DEGS1: variants seen among roughly 807,000 people sequenced by gnomAD.
DEGS1 encodes delta 4-desaturase, sphingolipid 1.
DEGS1 carries 17 observed loss-of-function variants against 24.1 expected under a neutral mutation model. That is an observed-to-expected ratio of 0.70 (90% CI 0.48 to 1.06). DEGS1 has a LOEUF of 1.06. Ranked by LOEUF, DEGS1 falls within the 50% of genes least tolerant of loss-of-function variation. The pLI is 0.00. For missense variants in DEGS1, 366 were observed against 408.9 expected (o/e 0.90, Z 0.91); for synonymous variants, 134 against 140.0 (o/e 0.96, Z 0.30).
Position 224,189,755 on chromosome 1 carries a change from T to C in DEGS1, c.261T>C (p.Ala87=). 1 of 1,614,214 alleles carries C rather than the reference T, an allele frequency of 6.2e-7. No homozygotes were observed. The highest frequency in any genetic ancestry group is 1.1e-5 in the South Asian group (1 of 91,088). ...GCATTAACCACTCAATGACTCTGGC[T>C]ATTCATGAGATTGCCCACAATGCTG... The part of the protein sequence containing the change: ...GSCINHSMTL[A]IHEIAHNAAF... The change falls in exon 2 of 3, where the codon GCT becomes GCC. Residue 87 remains alanine (A), a synonymous_variant. Coordinates refer to ENST00000323699, the MANE Select transcript of DEGS1 (RefSeq NM_003676.4).
In DEGS1 at chr1:224,190,012, G is replaced by A; in HGVS notation, c.518G>A (p.Arg173Gln). 1.2e-6 allele frequency: 2 copies of A among 1,613,998 alleles called. No individual in the cohort carries two copies. The highest frequency in any genetic ancestry group is 1.7e-6 in the Non-Finnish European group (2 of 1,180,004). ...VILQPLFYAF[R>Q]PLFINPKPIT... ...CTTCAGCCTCTCTTTTATGCCTTTC[G>A]ACCTCTGTTCATCAACCCCAAACCA... The change falls in exon 2 of 3, where the codon CGA becomes CAA. Residue 173 changes from arginine to glutamine, a missense_variant. By Grantham distance (43) the Arg-to-Gln change is conservative. Transcript: ENST00000323699.
rs932183417 is a variant in DEGS1, at chr1:224,190,011, C to T, written c.517C>T (p.Arg173Ter). ...VILQPLFYAF[R>*]PLFINPKPIT... ...TCTTCAGCCTCTCTTTTATGCCTTTCGACCTCTGTTCATCAACCCCAAACC... is the reference window on the plus strand; with the variant it reads ...TCTTCAGCCTCTCTTTTATGCCTTTTGACCTCTGTTCATCAACCCCAAACC... The change falls in exon 2 of 3, where the codon CGA becomes TGA. Residue 173 changes from arginine (R) to a stop codon, truncating the protein, a stop_gained. Coordinates refer to ENST00000323699, the MANE Select transcript of DEGS1 (RefSeq NM_003676.4). LOFTEE classifies it high-confidence loss of function. 7.4e-6 allele frequency: 12 copies of T among 1,614,060 alleles called. No individual in the cohort carries two copies. Among genetic ancestry groups the T allele is most frequent in the Admixed American group, 1.7e-5 (1 of 59,986 alleles).
chr1:224,185,323 T>C (rs1383044976), intron 1 of DEGS1, among the ~76,000 whole-genome samples: 3 of 152,074 alleles, frequency 2.0e-5, no homozygotes, highest in African/African-American at 4.8e-5. Flanking sequence ...CTTCCTCCTC[T>C]TCTTCCTCCT....
chr1:224,189,891 C>T lies in DEGS1; in HGVS notation c.397C>T (p.Arg133Trp), dbSNP rs1367958450. The change falls in exon 2 of 3, where the codon CGG becomes TGG. Residue 133 changes from arginine (R) to tryptophan (W), a missense_variant. Arg to Trp is a moderately radical substitution (Grantham distance 101). Coordinates refer to ENST00000323699, the MANE Select transcript of DEGS1 (RefSeq NM_003676.4). The part of the protein sequence containing the change: ...SFKRYHMDHH[R>W]YLGADGVDVD... ...TAAGAGGTATCACATGGATCATCATCGGTACCTTGGAGCTGATGGCGTCGA... is the reference window on the plus strand; with the variant it reads ...TAAGAGGTATCACATGGATCATCATTGGTACCTTGGAGCTGATGGCGTCGA... The T allele has an allele frequency of 3.7e-6, 6 of 1,614,176 alleles. No homozygotes were observed. The highest frequency in any genetic ancestry group is 2.2e-5 in the South Asian group (2 of 91,082).
At position 224,189,972 on chromosome 1, in the gene DEGS1, T is replaced by C. The variant is rs767151221; in HGVS notation, c.478T>C (p.Phe160Leu). The change falls in exon 2 of 3, where the codon TTT (phenylalanine) becomes CTT (leucine). Residue 160 changes from phenylalanine to leucine, a missense_variant. Physicochemically the swap from Phe to Leu is conservative, Grantham distance 22. Transcript: ENST00000323699. ...GTTCTTCTGTACCGCTTTCAGAAAG[T>C]TTATATGGGTTATTCTTCAGCCTCT... ...GWFFCTAFRK[F>L]IWVILQPLFY... 6.2e-7 allele frequency: 1 copy of C among 1,614,192 alleles called. No individual in the cohort carries two copies. The highest frequency in any genetic ancestry group is 1.1e-5 in the South Asian group (1 of 91,082).
At chr1:224,184,008 C>A (rs927044608) in intron 1 of DEGS1, among the ~76,000 whole-genome samples, 7 of 152,342 alleles carry the variant, frequency 4.6e-5, no homozygotes, top group Non-Finnish European at 1.0e-4. Flanking sequence ...CTCCATATGC[C>A]CCCCGGGGCT....
At chr1:224,188,599 G>C (rs531811866) in intron 1 of DEGS1, among the ~76,000 whole-genome samples, 6 of 152,122 alleles carry the variant, frequency 3.9e-5, no homozygotes, top group African/African-American at 1.4e-4. Context: ...AATGACTAAC[G>C]GTGTTGAGCC....
At chr1:224,191,314 C>G (rs1658529687) in intron 2 of DEGS1, among the ~76,000 whole-genome samples, 1 of 151,260 alleles carries the variant, frequency 6.6e-6, no homozygotes, top group South Asian at 2.1e-4. Flanking sequence ...CGTTTGAACT[C>G]GGGCAGTGGA....
intron 1 of DEGS1, among the ~76,000 whole-genome samples, chr1:224,186,514 C>T (rs1658396441): frequency 6.6e-6 from 1 of 151,966 alleles, no homozygotes; most frequent in Non-Finnish European, 1.5e-5. Flanking sequence ...GAGATCGAGA[C>T]CATCCTGGCT....
At position 224,183,276 on chromosome 1, in the gene DEGS1, C is replaced by A. The variant is rs1658280261; in HGVS notation, c.-61C>A. 7.0e-7 allele frequency: 1 copy of A among 1,428,594 alleles called. No individual in the cohort carries two copies. The highest frequency in any genetic ancestry group is 9.3e-7 in the Non-Finnish European group (1 of 1,076,574). The allele number at this position is 1,428,594 out of a possible 1,614,324, so 88.5% of individuals were successfully genotyped here. The stretch of plus-strand genomic sequence containing the variant: ...CGGGGAGCCGCCGCCGCCGCCGCCA[C>A]CTCTGAGCAGCCGGCTGGGAGCGAG... On this transcript the variant is annotated 5_prime_UTR_variant, in exon 1 of 3. Transcript: ENST00000323699.
At chr1:224,185,933 T>C (rs1328400307) in intron 1 of DEGS1, among the ~76,000 whole-genome samples, 1 of 152,084 alleles carries the variant, frequency 6.6e-6, no homozygotes, top group African/African-American at 2.4e-5. Context: ...GTGGTGGCTT[T>C]TTTTTGCCTG....
intron 2 of DEGS1, among the ~76,000 whole-genome samples, 156 bp from the exon 3 acceptor site, chr1:224,192,176 C>T (rs1006109083): frequency 6.6e-6 from 1 of 150,868 alleles, no homozygotes; most frequent in Non-Finnish European, 1.5e-5. Context: ...ATTCCCACAG[C>T]TGCTGCTGCT....
In DEGS1 at chr1:224,192,174, A is replaced by AGCTGCT. The variant is rs1343762566; in HGVS notation, c.826-145_826-140dup. ...ACTGCTTTTTGTTTAGAATTCCCACAGCTGCTGCTGCTGCTGCTTTTTTTT... is the reference window on the plus strand; with the variant it reads ...ACTGCTTTTTGTTTAGAATTCCCACAGCTGCTGCTGCTGCTGCTGCTGCTTTTTTTT... On this transcript the variant is annotated intron_variant, in intron 2 of 2. Transcript: ENST00000323699. 2.5e-3 allele frequency among the ~76,000 whole-genome samples: 374 copies of AGCTGCT among 150,286 alleles called. 1 individual carries two copies. Among genetic ancestry groups the AGCTGCT allele is most frequent in the African/African-American group, 8.3e-3 (340 of 40,920 alleles).
chr1:224,192,289 A>G, intron 2 of DEGS1, 43 bp from the exon 3 acceptor site: 3 of 1,581,606 alleles, frequency 1.9e-6, no homozygotes, highest in Non-Finnish European at 2.6e-6. Flanking sequence ...GAAAGAACCT[A>G]GTAACACTCA....
Position 224,183,261 on chromosome 1 carries a change from C to T in DEGS1, c.-76C>T, listed in dbSNP as rs1487240436. ...CGACACCACACCAGCCGGGGAGCCG[C>T]CGCCGCCGCCGCCACCTCTGAGCAG... On this transcript the variant is annotated 5_prime_UTR_variant, in exon 1 of 3. Transcript: ENST00000323699. The T allele has an allele frequency of 3.4e-5, 45 of 1,342,502 alleles. No homozygotes were observed. Among genetic ancestry groups the T allele is most frequent in the Non-Finnish European group, 4.4e-5 (44 of 1,010,788 alleles). The allele number at this position is 1,342,502 out of a possible 1,614,324, so 83.2% of individuals were successfully genotyped here.
At chr1:224,188,069 AT>A (rs1658441288) in intron 1 of DEGS1, among the ~76,000 whole-genome samples, 1 of 151,268 alleles carries the variant, frequency 6.6e-6, no homozygotes, top group African/African-American at 2.4e-5. Flanking sequence ...TGCTGGCATT[AT>A]AGGTGTGAGC....
chr1:224,187,970 T>A (rs1009358131), intron 1 of DEGS1, among the ~76,000 whole-genome samples: 9 of 141,718 alleles, frequency 6.4e-5, no homozygotes, highest in Admixed American at 2.1e-4. Flanking sequence ...TTTTTTTTTT[T>A]AATTTGTAGA....
rs993700263 is a variant in DEGS1 at position 224,190,392 on chromosome 1, C to T, written c.825+73C>T. 9 of 1,338,494 alleles carry T rather than the reference C, an allele frequency of 6.7e-6. No homozygotes were observed. The Admixed American group carries it at 8.9e-5, about 13-fold the overall frequency. The allele number at this position is 1,338,494 out of a possible 1,614,324, so 82.9% of individuals were successfully genotyped here. A position where few individuals can be genotyped will look rare whatever the true frequency, so the allele number is the denominator to read the frequency against. ...TTGTTTTTTGAGACGGTGTCTCACTCAGTCGCCCAGGCTGGCGGGCAGTGG... is the reference window on the plus strand; with the variant it reads ...TTGTTTTTTGAGACGGTGTCTCACTTAGTCGCCCAGGCTGGCGGGCAGTGG... On this transcript the variant is annotated intron_variant, in intron 2 of 2. Transcript: ENST00000323699.
chr1:224,183,711 T>C, intron 1 of DEGS1: 1 of 271,426 alleles, frequency 3.7e-6, no homozygotes. Context: ...GCCGGCCGGT[T>C]GGGGCGAAGG....
Sources: allele counts gnomAD v4.1 joint callset (sites outside exome capture counted in the v4.1 genomes callset), GRCh38; gene constraint gnomAD v4.1.1; transcripts MANE v1.5; gene names NCBI Gene and HGNC (gene_info 2026-07-23, HGNC 2026-07-21).